Variants in MRC2 observed in about 807,000 individuals in gnomAD.
MRC2 encodes C-type mannose receptor 2.
Under a neutral mutation model 206.2 loss-of-function variants are expected in MRC2, and 84 were observed. That is an observed-to-expected ratio of 0.41 (90% CI 0.34 to 0.49). The LOEUF (loss-of-function observed/expected upper bound fraction) is 0.49. Among genes scored for constraint, MRC2 ranks in the 20% least tolerant of loss-of-function variants. The pLI is 0.31. For missense variants in MRC2, 1,676 were observed against 2,001.5 expected, an observed-to-expected ratio of 0.84 and a Z score of 3.10; for synonymous variants, 798 against 800.0, an observed-to-expected ratio of 1.00 and a Z score of 0.04.
Position 62,674,701 on chromosome 17 carries a change from AG to A in MRC2, c.1569+540del, listed in dbSNP as rs543834243. Among the ~76,000 whole-genome samples the A allele has an allele frequency of 5.6e-4, 67 of 119,756 alleles. No individual in the cohort carries two copies. In the East Asian group the frequency reaches 8.9e-3, roughly 16 times the overall value. The allele number at this position is 119,756 out of a possible 152,430, so 78.6% of individuals were successfully genotyped here. ...TTCTAGAGGATGTTTAGGGAGGTTGAGGGGGGGGGTGTCAAGGAATGAAAGC... is the reference window on the plus strand; with the variant it reads ...TTCTAGAGGATGTTTAGGGAGGTTGAGGGGGGGGTGTCAAGGAATGAAAGC... On this transcript the variant is annotated intron_variant, in intron 9 of 29. Coordinates refer to ENST00000303375, the MANE Select transcript of MRC2 (RefSeq NM_006039.5).
At chr17:62,637,135 G>A (rs540672215) in intron 1 of MRC2, among the ~76,000 whole-genome samples, 132 of 152,328 alleles carry the variant, frequency 8.7e-4, no homozygotes, top group African/African-American at 2.9e-3. Flanking sequence ...GGCCGAGGCA[G>A]GCGGATCACC....
intron 1 of MRC2, among the ~76,000 whole-genome samples, chr17:62,654,790 T>C (rs1425413829): frequency 1.3e-5 from 2 of 152,320 alleles, no homozygotes; most frequent in East Asian, 3.9e-4. Flanking sequence ...CACAGGCATG[T>C]TTCCCAGGTG....
At chr17:62,661,092 G>A (rs2088673808) in intron 1 of MRC2, among the ~76,000 whole-genome samples, 5 of 152,156 alleles carry the variant, frequency 3.3e-5, no homozygotes, top group Admixed American at 3.3e-4. Context: ...TAATGCATAG[G>A]CCCAGAGATA....
chr17:62,690,342 G>C, intron 26 of MRC2, 37 bp downstream of exon 26: 1 of 1,576,576 alleles, frequency 6.3e-7, no homozygotes, highest in Non-Finnish European at 8.6e-7. Flanking sequence ...ATGGCGGGCA[G>C]GTGGCACCTC....
At position 62,692,592 on chromosome 17, in the gene MRC2, C is replaced by T. The variant is rs555408283; in HGVS notation, c.*141C>T. 15 of 871,102 alleles carry T rather than the reference C, an allele frequency of 1.7e-5. No homozygotes were observed. The highest frequency in any genetic ancestry group is 2.3e-5 in the Non-Finnish European group (13 of 573,986). 54.0% of individuals were successfully genotyped at this position (871,102 alleles called of 1,614,324 possible). On this transcript the variant is annotated 3_prime_UTR_variant, in exon 30 of 30. Coordinates refer to ENST00000303375, the MANE Select transcript of MRC2 (RefSeq NM_006039.5). This position sits in a 1 kb window ranked among gnomAD's most constrained non-coding sequence, Gnocchi z 4.2. ...GTCGCTGTTGGGAGCCGGAGCTGGG[C>T]AGAGCCTGGGCTGGTGGGGTGCCAC...
intron 9 of MRC2, among the ~76,000 whole-genome samples, chr17:62,674,542 C>T (rs2088866660): frequency 6.6e-6 from 1 of 152,156 alleles, no homozygotes; most frequent in Non-Finnish European, 1.5e-5. Context: ...GGCCCCTGTG[C>T]ACCGCCAGTC....
chr17:62,667,514 G>A lies in MRC2; in HGVS notation c.1098G>A (p.Thr366=). The A allele has an allele frequency of 6.2e-7, 1 of 1,611,032 alleles. No individual in the cohort carries two copies. Among genetic ancestry groups the A allele is most frequent in the African/African-American group, 1.3e-5 (1 of 74,924 alleles). ...PYVCKKKPNA[T]AEPTPPDRWA... The stretch of plus-strand genomic sequence containing the variant: ...TGTGCAAGAAGAAGCCCAACGCCAC[G>A]GCCGAGCCCACCCCTCCAGGTGAGC... The change falls in exon 6 of 30, where the codon ACG becomes ACA. Residue 366 remains threonine, a synonymous_variant. Coordinates refer to ENST00000303375, the MANE Select transcript of MRC2 (RefSeq NM_006039.5). This position sits in a 1 kb window ranked among gnomAD's most constrained non-coding sequence, Gnocchi z 4.1.
intron 18 of MRC2, chr17:62,681,339 A>G (rs1023409712): frequency 1.6e-6 from 1 of 614,350 alleles, no homozygotes; most frequent in African/African-American, 1.8e-5. Flanking sequence ...AAGATTAGAA[A>G]TAACATATGC....
intron 20 of MRC2, among the ~76,000 whole-genome samples, chr17:62,687,992 T>TC (rs1188305915): frequency 6.6e-6 from 1 of 152,190 alleles, no homozygotes; most frequent in East Asian, 1.9e-4. Flanking sequence ...TAGATCCTTG[T>TC]CCCCATCTTC....
intron 13 of MRC2, 80 bp from the exon 14 acceptor site, chr17:62,679,720 C>A: frequency 7.2e-7 from 1 of 1,385,976 alleles, no homozygotes; most frequent in Non-Finnish European, 1.0e-6. Context: ...GTCACAGCTG[C>A]AAGGGACAGG....
At chr17:62,669,360 G>A (rs1010585658) in intron 6 of MRC2, among the ~76,000 whole-genome samples, 8 of 151,082 alleles carry the variant, frequency 5.3e-5, no homozygotes, top group Admixed American at 6.6e-5. Flanking sequence ...GATTACAGGC[G>A]GGCATCACTA....
intron 1 of MRC2, among the ~76,000 whole-genome samples, chr17:62,645,497 T>TTATATA (rs1201996433): frequency 5.8e-4 from 54 of 93,798 alleles, no homozygotes; most frequent in African/African-American, 1.9e-3. Context: ...TGTGTATATA[T>TTATATA]TATATATATA....
intron 28 of MRC2, 21 bp downstream of exon 28, chr17:62,691,149 C>T (rs771151501): frequency 1.7e-5 from 27 of 1,581,372 alleles, no homozygotes; most frequent in Middle Eastern, 1.8e-4. Context: ...GGCAGGCCCA[C>T]GCTCAGCCTC....
rs1442143845 is a variant in MRC2 at position 62,682,370 on chromosome 17, T to C, written c.2939T>C (p.Leu980Pro). 6.2e-7 allele frequency: 1 copy of C among 1,605,852 alleles called. No homozygotes were observed. The highest frequency in any genetic ancestry group is 8.5e-7 in the Non-Finnish European group (1 of 1,176,898). ...GGCPSDWIQF[L>P]NKCFQVQGQE... is the part of the protein sequence containing the mutation. ...TGCCCCTCTGACTGGATCCAGTTCC[T>C]CAACAAGGTAGGAGGTGGCAATGGG... The change falls in exon 20 of 30, where the codon CTC (leucine) becomes CCC (proline). Residue 980 changes from leucine (L) to proline (P), a missense_variant. Leu to Pro is a moderately conservative substitution (Grantham distance 98). Transcript: ENST00000303375.
chr17:62,663,440 C>T (rs868623126), intron 1 of MRC2, among the ~76,000 whole-genome samples: 2 of 152,088 alleles, frequency 1.3e-5, no homozygotes, highest in African/African-American at 2.4e-5. Context: ...AGAACATTTT[C>T]GTCATATCCC....
intron 1 of MRC2, among the ~76,000 whole-genome samples, chr17:62,640,789 A>C (rs1333131822): frequency 6.7e-6 from 1 of 150,166 alleles, no homozygotes; most frequent in Non-Finnish European, 1.5e-5. Context: ...GGTTCACGCC[A>C]TTCTCCTGCC....
At chr17:62,629,477 G>A (rs2084198956) in intron 1 of MRC2, among the ~76,000 whole-genome samples, 1 of 152,224 alleles carries the variant, frequency 6.6e-6, no homozygotes, top group East Asian at 1.9e-4. Context: ...GTCCAGGGAT[G>A]AATAGCCTCA....
chr17:62,642,746 C>T (rs1357363809), intron 1 of MRC2, among the ~76,000 whole-genome samples: 1 of 152,086 alleles, frequency 6.6e-6, no homozygotes, highest in Non-Finnish European at 1.5e-5. Context: ...CATGGCTGGC[C>T]TCCCCTTTGT....
intron 26 of MRC2, 44 bp downstream of exon 26, chr17:62,690,349 C>T (rs773663583): frequency 6.4e-7 from 1 of 1,569,070 alleles, no homozygotes. Flanking sequence ...GCAGGTGGCA[C>T]CTCCTCTCGT....
Sources: gnomAD v4.1 joint callset for allele counts (sites outside exome capture counted in the v4.1 genomes callset) on GRCh38, gnomAD v4.1.1 for gene constraint, Gnocchi (gnomAD v3.1) non-coding constraint, MANE v1.5 for transcripts, NCBI Gene and HGNC (gene_info 2026-07-23, HGNC 2026-07-21) for gene names.